Variants in DGKI observed in about 807,000 individuals in gnomAD.
DGKI encodes DAG kinase iota.
A neutral mutation model predicts 147.5 loss-of-function variants in DGKI; 55 were observed. The observed-to-expected ratio is 0.37, with a 90% CI of 0.30 to 0.47. The LOEUF (loss-of-function observed/expected upper bound fraction) is 0.47. DGKI is among the 20% of genes least tolerant of loss of function. DGKI has a pLI of 1.00. For synonymous variants in DGKI, 469 were observed against 477.1 expected (o/e 0.98, Z 0.22); for missense variants, 1,007 against 1,323.8 (o/e 0.76, Z 3.71).
rs142499342 is a variant in DGKI at position 137,424,331 on chromosome 7, A to C, written c.2762-12124T>G. ...AAATTTTTATTGTCCAGTTGATAGG[A>C]AGGGAAATGAAATCAAGACTAAACC... On this transcript the variant is annotated intron_variant, in intron 28 of 32. Transcript: ENST00000614521. 1.2e-4 allele frequency among the ~76,000 whole-genome samples: 18 copies of C among 152,270 alleles called. No homozygotes were observed. The East Asian group carries it at 3.1e-3, about 26-fold the overall frequency.
At chr7:137,663,091 A>G (rs1822502322) in intron 3 of DGKI, among the ~76,000 whole-genome samples, 1 of 152,232 alleles carries the variant, frequency 6.6e-6, no homozygotes, top group South Asian at 2.1e-4. Context: ...GGCTGAAACA[A>G]TCTGTTACTG....
At chr7:137,574,326 C>T (rs1193212606) in intron 17 of DGKI, among the ~76,000 whole-genome samples, 2 of 150,846 alleles carry the variant, frequency 1.3e-5, no homozygotes, top group Non-Finnish European at 2.9e-5. Flanking sequence ...CATCTTCCAA[C>T]TTACTTAAGA....
intron 1 of DGKI, among the ~76,000 whole-genome samples, chr7:137,707,122 T>A (rs963844163): frequency 3.9e-5 from 6 of 152,228 alleles, no homozygotes; most frequent in African/African-American, 1.4e-4. Context: ...GTTCATTTCA[T>A]TTTTCATTTC....
intron 6 of DGKI, among the ~76,000 whole-genome samples, chr7:137,627,783 G>T (rs901540731): frequency 6.6e-6 from 1 of 152,162 alleles, no homozygotes; most frequent in Non-Finnish European, 1.5e-5. Flanking sequence ...ATATCAGATG[G>T]CTGTGCATGA....
chr7:137,412,430 T>G (rs991745736), intron 28 of DGKI, among the ~76,000 whole-genome samples: 3 of 152,144 alleles, frequency 2.0e-5, no homozygotes, highest in Admixed American at 1.3e-4. Flanking sequence ...CCCTCCAGCC[T>G]TGGTACAGTA....
Position 137,756,417 on chromosome 7 carries a change from AAC to A in DGKI, c.402-66417_402-66416del, listed in dbSNP as rs1158902655. 2.3e-4 allele frequency among the ~76,000 whole-genome samples: 35 copies of A among 152,350 alleles called. No individual in the cohort carries two copies. The South Asian group carries it at 3.7e-3, about 16-fold the overall frequency. ...CACAGAAGAAAAAAAGTCATTCGGG[AAC>A]CGTCAGAAAGGTTATTTTTGTAAGA... On this transcript the variant is annotated intron_variant, in intron 1 of 32. Transcript: ENST00000614521.
chr7:137,514,123 C>T (rs938654016), intron 21 of DGKI, among the ~76,000 whole-genome samples: 1 of 152,100 alleles, frequency 6.6e-6, no homozygotes, highest in African/African-American at 2.4e-5. Flanking sequence ...ACAAAATGCC[C>T]ATGTTGGTCC....
chr7:137,800,477 T>G lies in DGKI; in HGVS notation c.401+45985A>C, dbSNP rs533271138. ...CAGTTTTGCTCCTTCTCCTGCCATG[T>G]GAGACACCTGCTCCCTCTTCGATTT... On this transcript the variant is annotated intron_variant, in intron 1 of 32. Transcript: ENST00000614521. Among the ~76,000 whole-genome samples the G allele has an allele frequency of 1.6e-4, 25 of 152,228 alleles. 1 individual carries two copies. In the South Asian group the frequency reaches 4.6e-3, roughly 28 times the overall value.
At chr7:137,720,980 T>G (rs1305537055) in intron 1 of DGKI, among the ~76,000 whole-genome samples, 1 of 152,230 alleles carries the variant, frequency 6.6e-6, no homozygotes, top group African/African-American at 2.4e-5. Context: ...TGTAAATATG[T>G]GTGTGTATGA....
chr7:137,509,995 A>G (rs1477323350), intron 21 of DGKI, among the ~76,000 whole-genome samples: 1 of 152,236 alleles, frequency 6.6e-6, no homozygotes, highest in Non-Finnish European at 1.5e-5. Context: ...GAACAAAGAC[A>G]AAAGTTGTCA....
intron 23 of DGKI, among the ~76,000 whole-genome samples, chr7:137,477,943 G>A (rs1187406903): frequency 1.3e-5 from 2 of 152,210 alleles, no homozygotes; most frequent in Admixed American, 6.5e-5. Context: ...TCACAGGCAT[G>A]AGCCACTGCG....
intron 1 of DGKI, among the ~76,000 whole-genome samples, chr7:137,776,711 A>C (rs1202863161): frequency 6.6e-6 from 1 of 152,226 alleles, no homozygotes; most frequent in Non-Finnish European, 1.5e-5. Flanking sequence ...ACTTAATGGA[A>C]GAAGTGGATT....
intron 14 of DGKI, among the ~76,000 whole-genome samples, chr7:137,582,221 G>A (rs1038819806): frequency 6.6e-6 from 1 of 152,090 alleles, no homozygotes; most frequent in East Asian, 1.9e-4. Context: ...ATAGGAACTT[G>A]TTATGCTGAA....
chr7:137,672,507 G>A lies in DGKI; in HGVS notation c.606+6050C>T, dbSNP rs866432546. 2.0e-5 allele frequency among the ~76,000 whole-genome samples: 3 copies of A among 152,208 alleles called. No homozygotes were observed. The South Asian group carries it at 6.2e-4, about 31-fold the overall frequency. On this transcript the variant is annotated intron_variant, in intron 3 of 32. Coordinates refer to ENST00000614521, the MANE Select transcript of DGKI (RefSeq NM_001321708.2). ...CCCACTCAATGGCAATGGGTGTTCT[G>A]TGGGGAACCCAAACTGGGTAGCTTA...
chr7:137,517,851 C>T (rs1181585971), intron 21 of DGKI, among the ~76,000 whole-genome samples: 1 of 152,060 alleles, frequency 6.6e-6, no homozygotes, highest in Non-Finnish European at 1.5e-5. Flanking sequence ...AGTATCTTGT[C>T]ATTACAGCAG....
At chr7:137,453,329 G>GAGAA (rs1202414996) in intron 27 of DGKI, 1 of 152,146 alleles carries the variant, frequency 6.6e-6, no homozygotes, top group Non-Finnish European at 1.5e-5. Context: ...GGACCCAAGG[G>GAGAA]AGAAAGAATG....
intron 21 of DGKI, among the ~76,000 whole-genome samples, chr7:137,521,505 C>G (rs951796177): frequency 3.3e-5 from 5 of 152,034 alleles, no homozygotes; most frequent in African/African-American, 1.2e-4. Context: ...GATAACGCAG[C>G]CTCCAAGAAG....
At chr7:137,393,862 G>A (rs559623895) in intron 32 of DGKI, among the ~76,000 whole-genome samples, 1 of 152,160 alleles carries the variant, frequency 6.6e-6, no homozygotes, top group Admixed American at 6.5e-5. Flanking sequence ...CCACTAGGAA[G>A]GCAAAGTTAT....
intron 10 of DGKI, among the ~76,000 whole-genome samples, chr7:137,601,837 C>T (rs1820001519): frequency 6.6e-6 from 1 of 152,152 alleles, no homozygotes; most frequent in Non-Finnish European, 1.5e-5. Flanking sequence ...TCTTTTGTTG[C>T]ATGTACCAGC....
Sources: allele counts gnomAD v4.1 joint callset (sites outside exome capture counted in the v4.1 genomes callset), GRCh38; gene constraint gnomAD v4.1.1; transcripts MANE v1.5; gene names NCBI Gene and HGNC (gene_info 2026-07-23, HGNC 2026-07-21).